UPF2: variants seen among roughly 807,000 people sequenced by gnomAD.
UPF2 encodes the protein regulator of nonsense transcripts 2.
Under a neutral mutation model 141.4 loss-of-function variants are expected in UPF2, and 17 were observed. That is an observed-to-expected ratio of 0.12 (90% CI 0.08 to 0.18). The LOEUF is 0.18. UPF2 is among the 10% of genes least tolerant of loss of function. The pLI, the probability that UPF2 is intolerant of heterozygous loss-of-function variation, is 1.00. For missense variants in UPF2, 1,152 were observed against 1,515.9 expected (o/e 0.76, Z 3.99); for synonymous variants, 540 against 498.0 (o/e 1.08, Z -1.12).
intron 9 of UPF2, among the ~76,000 whole-genome samples, chr10:11,973,411 GGCTTTTGTTGCCATT>G (rs1833453514): frequency 6.6e-6 from 1 of 152,136 alleles, no homozygotes; most frequent in South Asian, 2.1e-4. Flanking sequence ...TGTCAATTCT[GGCTTTTGTTGCCATT>G]GCTTTTGGTG....
chr10:11,993,149 C>CAAAAA (rs561323595), intron 8 of UPF2, among the ~76,000 whole-genome samples: 7 of 80,542 alleles, frequency 8.7e-5, no homozygotes, highest in African/African-American at 3.0e-4. Context: ...GGCTCCACCT[C>CAAAAA]AAAAAAAAAA....
chr10:12,016,108 C>T lies in UPF2; in HGVS notation c.1146-1924G>A, dbSNP rs1276190410. ...AAAACAAAAACCCATAGCATTTTAA[C>T]ATACTCATACCTATGAAAGACACAA... On this transcript the variant is annotated intron_variant, in intron 3 of 21. Coordinates refer to ENST00000357604, the MANE Select transcript of UPF2 (RefSeq NM_015542.4). This position sits in a 1 kb window ranked among gnomAD's most constrained non-coding sequence, Gnocchi z 4.1. Among the ~76,000 whole-genome samples the T allele has an allele frequency of 2.6e-5, 4 of 152,008 alleles. No individual in the cohort carries two copies. The highest frequency in any genetic ancestry group is 7.2e-5 in the African/African-American group (3 of 41,408).
At chr10:12,006,135 C>T (rs1834031730) in intron 4 of UPF2, among the ~76,000 whole-genome samples, 1 of 152,224 alleles carries the variant, frequency 6.6e-6, no homozygotes, top group African/African-American at 2.4e-5. Flanking sequence ...CTGCCTCAGC[C>T]TCTCAAAGTG....
chr10:12,034,269 T>G (rs1425236554), intron 2 of UPF2, among the ~76,000 whole-genome samples: 1 of 152,136 alleles, frequency 6.6e-6, no homozygotes, highest in African/African-American at 2.4e-5. Context: ...GGTTTTCAAT[T>G]TTTTTAAAAA....
Position 12,016,334 on chromosome 10 carries a change from G to C in UPF2, c.1146-2150C>G, listed in dbSNP as rs1429902215. The stretch of plus-strand genomic sequence containing the variant: ...CCACCTCAAACTCCCAAAATGTTGG[G>C]ATTACAGGTGTGAGCCACCACACTC... On this transcript the variant is annotated intron_variant, in intron 3 of 21. Coordinates refer to ENST00000357604, the MANE Select transcript of UPF2 (RefSeq NM_015542.4). This position sits in a 1 kb window ranked among gnomAD's most constrained non-coding sequence, Gnocchi z 4.1. 1.3e-5 allele frequency among the ~76,000 whole-genome samples: 2 copies of C among 152,062 alleles called. No homozygotes were observed. Among genetic ancestry groups the C allele is most frequent in the South Asian group, 2.1e-4 (1 of 4,830 alleles).
chr10:11,989,872 G>C (rs1281125448), intron 8 of UPF2, among the ~76,000 whole-genome samples: 1 of 152,114 alleles, frequency 6.6e-6, no homozygotes, highest in African/African-American at 2.4e-5. Context: ...TCCTGAAAGG[G>C]TAGTCTAGGG....
rs965057508 is a variant in UPF2, at chr10:11,949,608, C to G, written c.3035-1100G>C. On this transcript the variant is annotated intron_variant, in intron 15 of 21. Coordinates refer to ENST00000357604, the MANE Select transcript of UPF2 (RefSeq NM_015542.4). ...CTTAAATGTTCAAAACTTAAGACAG[C>G]CCATATATTAATAAATACACAGTAG... is the stretch of plus-strand genomic sequence containing the variant. Among the ~76,000 whole-genome samples the G allele has an allele frequency of 1.3e-5, 2 of 152,136 alleles. 1 individual carries two copies. The highest frequency in any genetic ancestry group is 4.8e-5 in the African/African-American group (2 of 41,440).
Position 11,929,874 on chromosome 10 carries a change from G to C in UPF2, c.3800C>G (p.Thr1267Ser). The change falls in exon 21 of 22, where the codon ACT (threonine) becomes AGT (serine). Residue 1267 changes from threonine (T) to serine (S), a missense_variant. By Grantham distance (58) the Thr-to-Ser change is moderately conservative. This residue lies in a region of UPF2 where 66 missense variants were observed against 123.5 expected (regional missense o/e 0.53). Coordinates refer to ENST00000357604, the MANE Select transcript of UPF2 (RefSeq NM_015542.4). ...GTAATGACTGCTTTACCTCCCACCAGTCTTAAAGATTAGATCTGCATTAGG... is the reference window on the plus strand; with the variant it reads ...GTAATGACTGCTTTACCTCCCACCACTCTTAAAGATTAGATCTGCATTAGG... ...GAPNADLIFK[T>S]GGRRR 6.2e-7 allele frequency: 1 copy of C among 1,614,184 alleles called. No individual in the cohort carries two copies. Among genetic ancestry groups the C allele is most frequent in the Non-Finnish European group, 8.5e-7 (1 of 1,180,032 alleles).
At chr10:12,020,998 G>A (rs148244154) in intron 3 of UPF2, among the ~76,000 whole-genome samples, 1 of 152,258 alleles carries the variant, frequency 6.6e-6, no homozygotes, top group Non-Finnish European at 1.5e-5. Flanking sequence ...CTCTCGTTTG[G>A]ATTTGACTTG....
At chr10:11,961,166 A>G (rs1564345647) in intron 11 of UPF2, among the ~76,000 whole-genome samples, 1 of 152,110 alleles carries the variant, frequency 6.6e-6, no homozygotes. Flanking sequence ...TCACCAGTGA[A>G]CAGGACAGAC....
At position 12,037,402 on chromosome 10, in the gene UPF2, C is replaced by CTT. The variant is rs59226793; in HGVS notation, c.-18-1963_-18-1962dup. On this transcript the variant is annotated intron_variant, in intron 1 of 21. Coordinates refer to ENST00000357604, the MANE Select transcript of UPF2 (RefSeq NM_015542.4). Reference sequence around the variant, plus strand: ...TTTGAGCTTTAGTGTTTTTGTTTTTCTTTTTTTTTTTTTTTTTGAGTCTCG... The same window carrying CTT: ...TTTGAGCTTTAGTGTTTTTGTTTTTCTTTTTTTTTTTTTTTTTTTGAGTCTCG... Among the ~76,000 whole-genome samples the CTT allele has an allele frequency of 6.4e-3, 784 of 122,260 alleles. 10 individuals carry two copies. Among genetic ancestry groups the CTT allele is most frequent in the African/African-American group, 0.019 (609 of 32,216 alleles). The allele number at this position is 122,260 out of a possible 152,430, so 80.2% of individuals were successfully genotyped here. A position where few individuals can be genotyped will look rare whatever the true frequency, so the allele number is the denominator to read the frequency against.
In UPF2 at chr10:12,007,936, G is replaced by T. The variant is rs1291631034; in HGVS notation, c.1307-3209C>A. Among the ~76,000 whole-genome samples, 4 of 150,904 alleles carry T rather than the reference G, an allele frequency of 2.7e-5. No individual in the cohort carries two copies. In the Admixed American group the frequency reaches 2.7e-4, roughly 10 times the overall value. The stretch of plus-strand genomic sequence containing the variant: ...CATGGAGTCTCGCTCTGTCACCCAG[G>T]CTGGAGTGCAATCTCAGCTCACTGC... On this transcript the variant is annotated intron_variant, in intron 4 of 21. Coordinates refer to ENST00000357604, the MANE Select transcript of UPF2 (RefSeq NM_015542.4).
chr10:12,010,334 T>G (rs1834105435), intron 4 of UPF2, among the ~76,000 whole-genome samples: 1 of 152,178 alleles, frequency 6.6e-6, no homozygotes, highest in South Asian at 2.1e-4. Flanking sequence ...ATGACAAGAT[T>G]TGTAGACAAG....
At chr10:12,004,887 C>G (rs1302504619) in intron 4 of UPF2, among the ~76,000 whole-genome samples, 160 bp from the exon 5 acceptor site, 1 of 152,106 alleles carries the variant, frequency 6.6e-6, no homozygotes, top group Non-Finnish European at 1.5e-5. Flanking sequence ...TTTTCAACAC[C>G]AAATCACAAA....
intron 2 of UPF2, among the ~76,000 whole-genome samples, chr10:12,031,195 A>AC (rs1834518604): frequency 6.6e-6 from 1 of 151,272 alleles, no homozygotes; most frequent in African/African-American, 2.4e-5. Flanking sequence ...AAAAAACAAA[A>AC]CAGTTTTGCA....
At position 11,954,331 on chromosome 10, in the gene UPF2, CT is replaced by C. The variant is rs150456684; in HGVS notation, c.2850+900del. ...ATTTTCCTCAAAAATGATAGGTTTT[CT>C]TTTTTTAAAAAAAAATTAGGCTGGG... On this transcript the variant is annotated intron_variant, in intron 14 of 21. Coordinates refer to ENST00000357604, the MANE Select transcript of UPF2 (RefSeq NM_015542.4). Among the ~76,000 whole-genome samples the C allele has an allele frequency of 6.6e-5, 10 of 151,780 alleles. No individual in the cohort carries two copies. In the East Asian group the frequency reaches 1.9e-3, roughly 29 times the overall value.
intron 21 of UPF2, among the ~76,000 whole-genome samples, chr10:11,927,452 T>C (rs1419861346): frequency 6.6e-6 from 1 of 152,150 alleles, no homozygotes; most frequent in Non-Finnish European, 1.5e-5. Context: ...ATTCTAACAG[T>C]TTTGGTCTCT....
At position 11,956,003 on chromosome 10, in the gene UPF2, G is replaced by T. The variant is rs1224311148; in HGVS notation, c.2574+317C>A. Among the ~76,000 whole-genome samples, 1 of 152,042 alleles carries T rather than the reference G, an allele frequency of 6.6e-6. No homozygotes were observed. The highest frequency in any genetic ancestry group is 2.4e-5 in the African/African-American group (1 of 41,396). On this transcript the variant is annotated intron_variant, in intron 13 of 21. Transcript: ENST00000357604. The surrounding 1 kb of genome is among the most constrained non-coding windows in gnomAD (Gnocchi z 4.2). ...CTAAAAATACAAAAAAATTAGCTAG[G>T]CGTGGTGGCATGCACCTGTAGTAGT...
chr10:12,033,045 ACT>A (rs1834555856), intron 2 of UPF2, among the ~76,000 whole-genome samples: 1 of 152,106 alleles, frequency 6.6e-6, no homozygotes, highest in Non-Finnish European at 1.5e-5. Flanking sequence ...CTAAAGAACA[ACT>A]CTGAGAAGAA....
Sources: gnomAD v4.1 joint callset for allele counts (sites outside exome capture counted in the v4.1 genomes callset) on GRCh38, gnomAD v4.1.1 for gene constraint, gnomAD v4.1.1 regional missense constraint, Gnocchi (gnomAD v3.1) non-coding constraint, MANE v1.5 for transcripts, NCBI Gene and HGNC (gene_info 2026-07-23, HGNC 2026-07-21) for gene names.